The following MYO7A variants were observed in gnomAD, a reference collection of about 807,000 sequenced individuals.
MYO7A encodes myosin VIIA.
A neutral mutation model predicts 263.8 loss-of-function variants in MYO7A; 210 were observed. The ratio of observed to expected loss-of-function variants is 0.80; its 90% CI spans 0.71 to 0.89. The LOEUF (loss-of-function observed/expected upper bound fraction) is 0.89, where lower values mean the gene tolerates loss of function less well. MYO7A is among the 40% of genes least tolerant of loss of function. The pLI, the probability that MYO7A is intolerant of heterozygous loss-of-function variation, is 0.00. For synonymous variants in MYO7A, 1,239 were observed against 1,197.3 expected, an observed-to-expected ratio of 1.03 and a Z score of -0.72; for missense variants, 2,820 against 2,968.3, an observed-to-expected ratio of 0.95 and a Z score of 1.16.
In MYO7A at chr11:77,182,391, G is replaced by A. The variant is rs566596981; in HGVS notation, c.3109-33G>A. On this transcript the variant is annotated intron_variant, in intron 24 of 48. Transcript: ENST00000409709. ...TTTGACAGCTTTAGCAATGTCCTCC[G>A]CTCTGGCCTCTGACATGCGCGCTCT... 218 of 1,589,048 alleles carry A rather than the reference G, an allele frequency of 1.4e-4. 3 individuals are homozygous for A. The South Asian group carries it at 1.8e-3, about 13-fold the overall frequency.
intron 28 of MYO7A, 104 bp downstream of exon 28, chr11:77,189,574 GCCCACCCGGCC>G: frequency 6.7e-7 from 1 of 1,501,612 alleles, no homozygotes; most frequent in Middle Eastern, 1.8e-4. Flanking sequence ...TGGTCACAAG[GCCCACCCGGCC>G]ACTCCTTACT....
intron 31 of MYO7A, 54 bp from the exon 32 acceptor site, chr11:77,194,300 G>C: frequency 1.3e-6 from 2 of 1,571,088 alleles, no homozygotes; most frequent in Non-Finnish European, 8.6e-7. Context: ...TGGTGTGGAA[G>C]GGCTTCCTGG....
Position 77,203,974 on chromosome 11 carries a change from G to A in MYO7A, c.5327-102G>A, listed in dbSNP as rs958736821. The A allele has an allele frequency of 4.5e-5, 60 of 1,321,036 alleles. No homozygotes were observed. The Middle Eastern group carries it at 5.7e-4, about 12-fold the overall frequency. The allele number at this position is 1,321,036 out of a possible 1,614,324, so 81.8% of individuals were successfully genotyped here. A position where few individuals can be genotyped will look rare whatever the true frequency, so the allele number is the denominator to read the frequency against. On this transcript the variant is annotated intron_variant, in intron 38 of 48. Transcript: ENST00000409709. ...TGAGTGTGCAGCCTGAGGGCCCAGG[G>A]TCACAGCTTCAGGTGATGCAGGCCC...
chr11:77,156,531 TG>T, intron 5 of MYO7A, 128 bp from the exon 6 acceptor site: 1 of 1,375,244 alleles, frequency 7.3e-7, no homozygotes, highest in Non-Finnish European at 1.0e-6. Flanking sequence ...GCCCCAGCCC[TG>T]GAGGGTCCGT....
At chr11:77,205,672 G>C (rs957809227) in intron 40 of MYO7A, 55 bp downstream of exon 40, 1 of 1,602,604 alleles carries the variant, frequency 6.2e-7, no homozygotes, top group South Asian at 1.1e-5. Flanking sequence ...CTGGCCACGC[G>C]GGGCTTGTGG....
At chr11:77,149,930 C>T (rs1591236534) in intron 4 of MYO7A, among the ~76,000 whole-genome samples, 3 of 152,158 alleles carry the variant, frequency 2.0e-5, no homozygotes, top group Non-Finnish European at 4.4e-5. Context: ...CACAGGGACC[C>T]GCTGGTGTCC....
chr11:77,199,689 A>G lies in MYO7A; in HGVS notation c.4723A>G (p.Ile1575Val), dbSNP rs748715676. 2.5e-6 allele frequency: 4 copies of G among 1,613,456 alleles called. No individual in the cohort carries two copies. Among genetic ancestry groups the G allele is most frequent in the African/African-American group, 2.7e-5 (2 of 74,922 alleles). Residue 1575 changes from isoleucine (I) to valine (V), a missense_variant, in exon 35 of 49, where the codon ATC (isoleucine) becomes GTC (valine). Ile to Val is a conservative substitution (Grantham distance 29). Transcript: ENST00000409709. ...TTAPSFTLAT[I>V]KGDEYTFTSS... ...GGCCCCCAGCTTCACGCTGGCCACC[A>G]TCAAGGGGGACGAATACACCTTCAC... is the stretch of plus-strand genomic sequence containing the variant.
At chr11:77,198,348 G>A (rs147014516) in intron 33 of MYO7A, 147 bp from the exon 34 acceptor site, 11 of 1,104,764 alleles carry the variant, frequency 1.0e-5, no homozygotes, top group Middle Eastern at 3.0e-4. Flanking sequence ...GTTTTGGCAC[G>A]TAGCGAGTTT....
intron 27 of MYO7A, among the ~76,000 whole-genome samples, chr11:77,188,934 C>T (rs1196959152): frequency 1.3e-5 from 2 of 152,182 alleles, no homozygotes; most frequent in African/African-American, 2.4e-5. Context: ...CACCTGCTGC[C>T]GTGACTATGG....
At chr11:77,142,285 G>T (rs554098687) in intron 2 of MYO7A, among the ~76,000 whole-genome samples, 1 of 152,344 alleles carries the variant, frequency 6.6e-6, no homozygotes, top group African/African-American at 2.4e-5. Flanking sequence ...AGCCCTGGAG[G>T]TGAAGGAGGC....
At chr11:77,210,747 A>T (rs1423928665) in intron 44 of MYO7A, 1 of 159,848 alleles carries the variant, frequency 6.3e-6, no homozygotes, top group Admixed American at 6.3e-5. Flanking sequence ...TGGTCTCAAG[A>T]GAACCCAATG....
chr11:77,198,687 G>A lies in MYO7A; in HGVS notation c.4568+66G>A, dbSNP rs112543022. The A allele has an allele frequency of 1.4e-3, 2,209 of 1,601,072 alleles. 19 individuals are homozygous for A. In the African/African-American group the frequency reaches 0.019, roughly 14 times the overall value. Reference sequence around the variant, plus strand: ...AGGAGAGGGGCTGGAGCTTCCCTGCGGGTCACAGGAAGTGAAGAGGCATGA... The same window carrying A: ...AGGAGAGGGGCTGGAGCTTCCCTGCAGGTCACAGGAAGTGAAGAGGCATGA... On this transcript the variant is annotated intron_variant, in intron 34 of 48. Transcript: ENST00000409709.
rs377738293 is a variant in MYO7A, at chr11:77,198,523, C to T, written c.4470C>T (p.Ile1490=). ...SGPSLPKNDV[I]VAVNWTGVYF... ...CCAGTCTCCCCAAGAACGACGTCAT[C>T]GTGGCCGTCAACTGGACGGGTGTGT... Residue 1490 remains isoleucine (I), a synonymous_variant, in exon 34 of 49, where the codon ATC becomes ATT. Coordinates refer to ENST00000409709, the MANE Select transcript of MYO7A (RefSeq NM_000260.4). 8 of 1,613,770 alleles carry T rather than the reference C, an allele frequency of 5.0e-6. No individual in the cohort carries two copies. Among genetic ancestry groups the T allele is most frequent in the African/African-American group, 1.3e-5 (1 of 74,928 alleles).
In MYO7A at chr11:77,158,425, A is replaced by T; in HGVS notation, c.998A>T (p.Tyr333Phe). ...ATCCTGCACCTGGGCAACCTGCAGT[A>T]TGAGGGTGAGGCTGCGCCACACTCG... is the stretch of plus-strand genomic sequence containing the variant. Reference protein sequence around the residue: ...AAILHLGNLQYEARTFENLDA... With the variant: ...AAILHLGNLQFEARTFENLDA... Residue 333 changes from tyrosine to phenylalanine, a missense_variant, in exon 9 of 49, where the codon TAT (tyrosine) becomes TTT (phenylalanine). Physicochemically the swap from Tyr to Phe is conservative, Grantham distance 22 (BLOSUM62 3). Coordinates refer to ENST00000409709, the MANE Select transcript of MYO7A (RefSeq NM_000260.4). 1.2e-6 allele frequency: 2 copies of T among 1,611,486 alleles called. No homozygotes were observed. The highest frequency in any genetic ancestry group is 1.7e-6 in the Non-Finnish European group (2 of 1,179,546).
intron 27 of MYO7A, among the ~76,000 whole-genome samples, chr11:77,188,352 T>C (rs1955789705): frequency 6.6e-6 from 1 of 152,238 alleles, no homozygotes; most frequent in African/African-American, 2.4e-5. Flanking sequence ...TTTTATGAGA[T>C]AATTGGGATC....
At position 77,179,932 on chromosome 11, in the gene MYO7A, G is replaced by A. The variant is rs1955031890; in HGVS notation, c.2565G>A (p.Leu855=). The A allele has an allele frequency of 6.5e-7, 1 of 1,530,430 alleles. No homozygotes were observed. 94.8% of individuals were successfully genotyped at this position (1,530,430 alleles called of 1,614,324 possible). ...CCCGGGGCATGATCGCCCGCAGGCT[G>A]CACCAACGCCTCAGGGCTGAGGTGA... The part of the protein sequence containing the change: ...AYARGMIARR[L]HQRLRAEYLW... The change falls in exon 21 of 49, where the codon CTG becomes CTA. Residue 855 remains leucine (L), a synonymous_variant. Coordinates refer to ENST00000409709, the MANE Select transcript of MYO7A (RefSeq NM_000260.4).
chr11:77,137,610 G>A (rs1316434969), intron 2 of MYO7A, among the ~76,000 whole-genome samples: 3 of 152,188 alleles, frequency 2.0e-5, no homozygotes, highest in Non-Finnish European at 2.9e-5. Context: ...AGCGTGGACC[G>A]ACGCCTGGTG....
rs1347045882 is a variant in MYO7A, at chr11:77,160,276, C to A, written c.1194C>A (p.Phe398Leu). The change falls in exon 11 of 49, where the codon TTC becomes TTA. Residue 398 changes from phenylalanine to leucine, a missense_variant. By Grantham distance (22) the Phe-to-Leu change is conservative. Coordinates refer to ENST00000409709, the MANE Select transcript of MYO7A (RefSeq NM_000260.4). ...AGGCACTGGACGTGCGCGACGCCTTCGTAAAGGTGGGCTGGAGGGAAGGGG... is the reference window on the plus strand; with the variant it reads ...AGGCACTGGACGTGCGCGACGCCTTAGTAAAGGTGGGCTGGAGGGAAGGGG... The part of the protein sequence containing the change: ...REQALDVRDA[F>L]VKGIYGRLFV... The A allele has an allele frequency of 6.4e-7, 1 of 1,561,610 alleles. No individual in the cohort carries two copies. Among genetic ancestry groups the A allele is most frequent in the East Asian group, 2.4e-5 (1 of 41,568 alleles).
At chr11:77,159,340 G>A in intron 9 of MYO7A, 107 bp from the exon 10 acceptor site, 1 of 1,007,680 alleles carries the variant, frequency 9.9e-7, no homozygotes, top group Non-Finnish European at 1.5e-6. Flanking sequence ...CCCTGGACAG[G>A]GCAGGACCCC....
Sources: gnomAD v4.1 joint callset for allele counts (sites outside exome capture counted in the v4.1 genomes callset) on GRCh38, gnomAD v4.1.1 for gene constraint, MANE v1.5 for transcripts, NCBI Gene and HGNC (gene_info 2026-07-23, HGNC 2026-07-21) for gene names.